The following P3H4 variants were observed in gnomAD, a reference collection of about 807,000 sequenced individuals.
The protein encoded by P3H4 is prolyl 3-hydroxylase family member 4 (inactive), also known as endoplasmic reticulum protein SC65.
In P3H4, 47 loss-of-function variants were observed where a neutral mutation model predicts 52.9. The ratio of observed to expected loss-of-function variants is 0.89; its 90% CI spans 0.70 to 1.13. The LOEUF is 1.13. Among genes scored for constraint, P3H4 ranks in the 50% most tolerant of loss-of-function variants. The pLI is 0.00. For synonymous variants in P3H4, 256 were observed against 267.9 expected (o/e 0.96, Z 0.44); for missense variants, 585 against 611.0 (o/e 0.96, Z 0.45).
Position 41,811,554 on chromosome 17 carries a change from C to T in P3H4, c.362G>A (p.Arg121Gln). ...GGGCACCTGGAAGGCGGGCAGCGTC[C>T]GCTTGCAGCGCCGCAGGCAGGCGGC... is the stretch of plus-strand genomic sequence containing the variant. ...ERAACLRRCK[R>Q]TLPAFQVPYP... The change falls in exon 1 of 8, where the codon CGG becomes CAG. Residue 121 changes from arginine (R) to glutamine (Q), a missense_variant. Physicochemically the swap from Arg to Gln is conservative, Grantham distance 43. Coordinates refer to ENST00000393928, the MANE Select transcript of P3H4 (RefSeq NM_006455.3). This position sits in a 1 kb window ranked among gnomAD's most constrained non-coding sequence, Gnocchi z 4.8. The T allele has an allele frequency of 2.5e-6, 4 of 1,608,402 alleles. No individual in the cohort carries two copies. Among genetic ancestry groups the T allele is most frequent in the Non-Finnish European group, 3.4e-6 (4 of 1,178,402 alleles).
chr17:41,808,176 T>A (rs1555614478), intron 4 of P3H4, among the ~76,000 whole-genome samples, 172 bp from the exon 5 acceptor site: 1 of 152,188 alleles, frequency 6.6e-6, no homozygotes, highest in African/African-American at 2.4e-5. Flanking sequence ...ACTTACCCTA[T>A]GCCAGGCCCT....
In P3H4 at chr17:41,811,816, T is replaced by C; in HGVS notation, c.100A>G (p.Met34Val). ...TGCCCGTACGCCGCGGCCAGCGGCA[T>C]CAGGTCCTCGGGCGGGAAGCCCCGG... is the stretch of plus-strand genomic sequence containing the variant. ...SFRGFPPEDL[M>V]PLAAAYGHAL... is the part of the protein sequence containing the mutation. Residue 34 changes from methionine (M) to valine (V), a missense_variant, in exon 1 of 8, where the codon ATG (methionine) becomes GTG (valine). Met to Val is a conservative substitution (Grantham distance 21). Transcript: ENST00000393928. The surrounding 1 kb of genome is among the most constrained non-coding windows in gnomAD (Gnocchi z 4.8). 1.3e-6 allele frequency: 2 copies of C among 1,538,142 alleles called. No individual in the cohort carries two copies. Among genetic ancestry groups the C allele is most frequent in the Non-Finnish European group, 1.7e-6 (2 of 1,153,826 alleles).
chr17:41,809,743 G>A lies in P3H4; in HGVS notation c.879C>T (p.Ala293=). 6.2e-7 allele frequency: 1 copy of A among 1,613,698 alleles called. No homozygotes were observed. Among genetic ancestry groups the A allele is most frequent in the Non-Finnish European group, 8.5e-7 (1 of 1,179,968 alleles). ...CAAACTGCAGGTAGTGGTACATGGTGGCCACGAACTTGTCCACGAAGTAGC... is the reference window on the plus strand; with the variant it reads ...CAAACTGCAGGTAGTGGTACATGGTAGCCACGAACTTGTCCACGAAGTAGC... The part of the protein sequence containing the change: ...VGGYFVDKFV[A]TMYHYLQFAY... The change falls in exon 4 of 8, where the codon GCC becomes GCT. Residue 293 remains alanine, a synonymous_variant. Coordinates refer to ENST00000393928, the MANE Select transcript of P3H4 (RefSeq NM_006455.3).
intron 6 of P3H4, among the ~76,000 whole-genome samples, chr17:41,804,951 T>TG (rs2047657826): frequency 6.8e-6 from 1 of 147,550 alleles, no homozygotes; most frequent in East Asian, 2.0e-4. Flanking sequence ...CCAGCCTGGG[T>TG]GACAGAGTGA....
chr17:41,803,620 G>C (rs1555613823), intron 6 of P3H4, among the ~76,000 whole-genome samples, 189 bp from the exon 7 acceptor site: 1 of 119,222 alleles, frequency 8.4e-6, no homozygotes, highest in African/African-American at 2.9e-5. Flanking sequence ...CTGAGTGGCT[G>C]CATAGGGCAC....
intron 5 of P3H4, chr17:41,807,161 C>A: frequency 2.1e-6 from 1 of 467,160 alleles, no homozygotes; most frequent in Admixed American, 3.5e-5. Context: ...CCAGCCTGGC[C>A]CTCAACTCCA....
In P3H4 at chr17:41,809,778, T is replaced by A. The variant is rs1555614695; in HGVS notation, c.844A>T (p.Asn282Tyr). Residue 282 changes from asparagine (N) to tyrosine (Y), a missense_variant, in exon 4 of 8, where the codon AAT becomes TAT. By Grantham distance (143) the Asn-to-Tyr change is moderately radical. Transcript: ENST00000393928. ...KVDCEANLTPNVGGYFVDKFV... is the reference protein window; with the variant it reads ...KVDCEANLTPYVGGYFVDKFV... Reference sequence around the variant, plus strand: ...TTGTCCACGAAGTAGCCACCCACATTGGGGGTCAAATTGGCCTCACAGTCC... The same window carrying A: ...TTGTCCACGAAGTAGCCACCCACATAGGGGGTCAAATTGGCCTCACAGTCC... 3.1e-6 allele frequency: 5 copies of A among 1,613,922 alleles called. No individual in the cohort carries two copies. The highest frequency in any genetic ancestry group is 4.2e-6 in the Non-Finnish European group (5 of 1,179,976).
chr17:41,810,373 C>T (rs2144028666), intron 3 of P3H4, among the ~76,000 whole-genome samples: 2 of 151,934 alleles, frequency 1.3e-5, no homozygotes, highest in Middle Eastern at 3.4e-3. Context: ...GGGGTTTCAC[C>T]ATGTTGGTCA....
intron 3 of P3H4, 148 bp from the exon 4 acceptor site, chr17:41,809,982 G>A: frequency 1.1e-6 from 1 of 910,276 alleles, no homozygotes; most frequent in Non-Finnish European, 1.6e-6. Context: ...AGGAGAGAAT[G>A]TCTGTAAAGT....
intron 6 of P3H4, 88 bp downstream of exon 6, chr17:41,806,708 G>C (rs1039476812): frequency 9.1e-7 from 1 of 1,095,614 alleles, no homozygotes; most frequent in Non-Finnish European, 1.4e-6. Flanking sequence ...CCAGGGGCTG[G>C]GGCTGAATTC....
chr17:41,811,811 C>T lies in P3H4; in HGVS notation c.105G>A (p.Pro35=), dbSNP rs782679259. 11 of 1,536,064 alleles carry T rather than the reference C, an allele frequency of 7.2e-6. No homozygotes were observed. The highest frequency in any genetic ancestry group is 5.8e-5 in the Admixed American group (3 of 51,456). Residue 35 remains proline (P), a synonymous_variant, in exon 1 of 8, where the codon CCG becomes CCA. Transcript: ENST00000393928. The surrounding 1 kb of genome is among the most constrained non-coding windows in gnomAD (Gnocchi z 4.8). ...GAGCGTGCCCGTACGCCGCGGCCAGCGGCATCAGGTCCTCGGGCGGGAAGC... is the reference window on the plus strand; with the variant it reads ...GAGCGTGCCCGTACGCCGCGGCCAGTGGCATCAGGTCCTCGGGCGGGAAGC... The part of the protein sequence containing the change: ...FRGFPPEDLM[P]LAAAYGHALE...
rs1416251463 is a variant in P3H4 at position 41,802,323 on chromosome 17, C to T, written c.*634G>A. The T allele has an allele frequency of 6.9e-6, 1 of 144,300 alleles. No individual in the cohort carries two copies. The highest frequency in any genetic ancestry group is 1.5e-5 in the Non-Finnish European group (1 of 67,418). 8.9% of individuals were successfully genotyped at this position (144,300 alleles called of 1,614,324 possible). ...ATGGAGTCTCACTCTGTCGCCCAGG[C>T]TGGAGTGCAGTGGCACGATCTCGGC... On this transcript the variant is annotated 3_prime_UTR_variant, in exon 8 of 8. Transcript: ENST00000393928.
intron 3 of P3H4, 59 bp from the exon 4 acceptor site, chr17:41,809,893 A>G (rs1382780110): frequency 1.8e-5 from 29 of 1,574,980 alleles, no homozygotes; most frequent in Non-Finnish European, 2.3e-5. Context: ...CCGTCCCCCC[A>G]GTGGAGAAGA....
At chr17:41,805,701 C>T (rs1438858034) in intron 6 of P3H4, among the ~76,000 whole-genome samples, 2 of 152,116 alleles carry the variant, frequency 1.3e-5, no homozygotes, top group African/African-American at 2.4e-5. Flanking sequence ...GAAACAGAAG[C>T]TTGAGAGGTT....
At position 41,803,402 on chromosome 17, in the gene P3H4, C is replaced by T. The variant is rs368780195; in HGVS notation, c.1176G>A (p.Leu392=). The T allele has an allele frequency of 6.2e-7, 1 of 1,613,854 alleles. No homozygotes were observed. The highest frequency in any genetic ancestry group is 1.3e-5 in the African/African-American group (1 of 74,900). The change falls in exon 7 of 8, where the codon CTG becomes CTA. Residue 392 remains leucine (L), a synonymous_variant. Coordinates refer to ENST00000393928, the MANE Select transcript of P3H4 (RefSeq NM_006455.3). ...EMELEETEPP[L]EPEDALSDAE... is the part of the protein sequence containing the mutation. Reference sequence around the variant, plus strand: ...CGTCAGATAGGGCATCCTCAGGCTCCAGGGGCGGTTCTGTCTCCTCCAGCT... The same window carrying T: ...CGTCAGATAGGGCATCCTCAGGCTCTAGGGGCGGTTCTGTCTCCTCCAGCT...
chr17:41,803,724 CATA>C (rs1349506519), intron 6 of P3H4, among the ~76,000 whole-genome samples: 1 of 152,196 alleles, frequency 6.6e-6, no homozygotes, highest in Non-Finnish European at 1.5e-5. Context: ...CTAGTCCATG[CATA>C]ATATTTGCTC....
Position 41,808,307 on chromosome 17 carries a change from A to G in P3H4, c.917-303T>C, listed in dbSNP as rs543932366. Among the ~76,000 whole-genome samples, 6 of 152,184 alleles carry G rather than the reference A, an allele frequency of 3.9e-5. No individual in the cohort carries two copies. The South Asian group carries it at 1.2e-3, about 32-fold the overall frequency. ...ATGGTCACCTCAAGCTTGATCTCCC[A>G]GGCTTAGGTGATCCTCTCACCTCAG... is the stretch of plus-strand genomic sequence containing the variant. On this transcript the variant is annotated intron_variant, in intron 4 of 7. Coordinates refer to ENST00000393928, the MANE Select transcript of P3H4 (RefSeq NM_006455.3).
At chr17:41,808,144 T>TGCCA in intron 4 of P3H4, 140 bp from the exon 5 acceptor site, 1 of 1,075,664 alleles carries the variant, frequency 9.3e-7, no homozygotes, top group Non-Finnish European at 1.3e-6. Flanking sequence ...CCAAGCATAA[T>TGCCA]GCCAGCTAGC....
rs1555615046 is a variant in P3H4, at chr17:41,811,242, G to A, written c.505C>T (p.Leu169Phe). 2 of 1,613,928 alleles carry A rather than the reference G, an allele frequency of 1.2e-6. No homozygotes were observed. Among genetic ancestry groups the A allele is most frequent in the East Asian group, 2.2e-5 (1 of 44,882 alleles). ...AGCTCGTGCTTCGGGTTCCTCTGGA[G>A]GAAGGTGTAGGCCGCCGCCACCGCC... ...EKAVAAAYTF[L>F]QRNPKHELTA... Residue 169 changes from leucine (L) to phenylalanine (F), a missense_variant, in exon 2 of 8, where the codon CTC (leucine) becomes TTC (phenylalanine). Coordinates refer to ENST00000393928, the MANE Select transcript of P3H4 (RefSeq NM_006455.3). This position sits in a 1 kb window ranked among gnomAD's most constrained non-coding sequence, Gnocchi z 4.8.
Sources: gnomAD v4.1 joint callset for allele counts (sites outside exome capture counted in the v4.1 genomes callset) on GRCh38, gnomAD v4.1.1 for gene constraint, Gnocchi (gnomAD v3.1) non-coding constraint, MANE v1.5 for transcripts, NCBI Gene and HGNC (gene_info 2026-07-23, HGNC 2026-07-21) for gene names.